Variants in ANAPC10 observed in about 807,000 individuals in gnomAD.
ANAPC10 encodes the protein anaphase promoting complex subunit 10, also known as anaphase-promoting complex subunit 10.
ANAPC10 carries 12 observed loss-of-function variants against 22.0 expected under a neutral mutation model. The ratio of observed to expected loss-of-function variants is 0.55; its 90% confidence interval spans 0.35 to 0.88. ANAPC10 has a LOEUF of 0.88. ANAPC10 is among the 40% of genes least tolerant of loss of function. The pLI, the probability that ANAPC10 is intolerant of heterozygous loss-of-function variation, is 0.01. For synonymous variants in ANAPC10, 65 were observed against 69.5 expected (o/e 0.94, Z 0.32); for missense variants, 188 against 220.9 (o/e 0.85, Z 0.94).
intron 4 of ANAPC10, among the ~76,000 whole-genome samples, chr4:145,057,576 G>GT (rs1455957315): frequency 2.6e-5 from 4 of 151,982 alleles, no homozygotes; most frequent in Non-Finnish European, 4.4e-5. Flanking sequence ...TCCAAAATCT[G>GT]TATCTCTAAC....
chr4:145,019,632 A>G (rs1455647576), intron 4 of ANAPC10, among the ~76,000 whole-genome samples: 2 of 152,170 alleles, frequency 1.3e-5, no homozygotes, highest in African/African-American at 4.8e-5. Flanking sequence ...CAAAATTACA[A>G]AAGATAAATG....
intron 4 of ANAPC10, among the ~76,000 whole-genome samples, chr4:145,017,827 A>G (rs1470326463): frequency 1.3e-5 from 2 of 152,114 alleles, no homozygotes; most frequent in Non-Finnish European, 2.9e-5. Context: ...AGGGACATGG[A>G]TGAAGATGGA....
intron 4 of ANAPC10, among the ~76,000 whole-genome samples, chr4:145,047,386 G>C (rs987658160): frequency 6.6e-6 from 1 of 152,092 alleles, no homozygotes; most frequent in Non-Finnish European, 1.5e-5. Context: ...GCGTTCAATG[G>C]CGAGTACAAT....
intron 4 of ANAPC10, among the ~76,000 whole-genome samples, chr4:145,000,896 G>A (rs1017067626): frequency 1.6e-4 from 25 of 152,194 alleles, no homozygotes; most frequent in African/African-American, 6.0e-4. Flanking sequence ...CCTTTGCAGG[G>A]ACATGCATGA....
chr4:145,039,708 CCT>C, intron 4 of ANAPC10, among the ~76,000 whole-genome samples: 1 of 152,062 alleles, frequency 6.6e-6, no homozygotes. Flanking sequence ...AATTCTCCTG[CCT>C]TAGCCTCCTG....
intron 4 of ANAPC10, among the ~76,000 whole-genome samples, chr4:145,030,005 G>A (rs550977273): frequency 9.2e-5 from 14 of 152,286 alleles, no homozygotes; most frequent in South Asian, 4.1e-4. Context: ...GGTGGCAGGC[G>A]CTAAGTGGCA....
chr4:144,999,856 T>A (rs111925528), intron 4 of ANAPC10, among the ~76,000 whole-genome samples: 2,759 of 152,192 alleles, frequency 0.018, 93 homozygotes, highest in African/African-American at 0.063. Flanking sequence ...AAAACAGAGA[T>A]ATAGACCAAT....
chr4:145,055,907 T>C (rs1579057970), intron 4 of ANAPC10, among the ~76,000 whole-genome samples: 1 of 152,184 alleles, frequency 6.6e-6, no homozygotes, highest in East Asian at 1.9e-4. Context: ...GTGGTAAATT[T>C]TGTGGTATAT....
chr4:145,056,604 G>A (rs1742108390), intron 4 of ANAPC10, among the ~76,000 whole-genome samples: 1 of 152,168 alleles, frequency 6.6e-6, no homozygotes, highest in Non-Finnish European at 1.5e-5. Flanking sequence ...GGCGACCACT[G>A]AAGGGACTAT....
At chr4:145,064,217 T>C (rs532597893) in intron 4 of ANAPC10, 1 of 157,676 alleles carries the variant, frequency 6.3e-6, no homozygotes, top group Admixed American at 6.5e-5. Flanking sequence ...AATGGACAAA[T>C]ATGCACAAGT....
At chr4:145,075,626 G>A (rs1411348162) in intron 3 of ANAPC10, among the ~76,000 whole-genome samples, 4 of 152,162 alleles carry the variant, frequency 2.6e-5, no homozygotes, top group African/African-American at 9.7e-5. Flanking sequence ...CTGAGCACCA[G>A]GACTCATTTC....
chr4:145,011,238 G>A (rs537827066), intron 4 of ANAPC10, among the ~76,000 whole-genome samples: 39 of 152,010 alleles, frequency 2.6e-4, no homozygotes, highest in Middle Eastern at 6.8e-3. Context: ...TCAGGAGGCT[G>A]AGGCAGGAGA....
intron 4 of ANAPC10, among the ~76,000 whole-genome samples, chr4:145,029,792 G>C (rs1737277215): frequency 6.6e-6 from 1 of 152,116 alleles, no homozygotes; most frequent in South Asian, 2.1e-4. Flanking sequence ...TAGTGGATTA[G>C]TCACTTTAGA....
chr4:145,037,068 T>C (rs1738690556), intron 4 of ANAPC10, among the ~76,000 whole-genome samples: 1 of 148,264 alleles, frequency 6.7e-6, no homozygotes, highest in African/African-American at 2.5e-5. Context: ...ATGTGTGTTT[T>C]ATGGACTCTG....
At chr4:145,056,287 C>CGA (rs1742060818) in intron 4 of ANAPC10, among the ~76,000 whole-genome samples, 1 of 152,204 alleles carries the variant, frequency 6.6e-6, no homozygotes, top group Admixed American at 6.5e-5. Flanking sequence ...CTCACTGCTA[C>CGA]ACTCCCACCA....
At chr4:145,008,213 A>G (rs13114023) in intron 4 of ANAPC10, among the ~76,000 whole-genome samples, 220 of 152,276 alleles carry the variant, frequency 1.4e-3, no homozygotes, top group African/African-American at 5.0e-3. Flanking sequence ...CAACCAAAAC[A>G]AGTCCAGGAC....
In ANAPC10 at chr4:145,064,749, G is replaced by C; in HGVS notation, c.207-57C>G. The C allele has an allele frequency of 4.5e-6, 6 of 1,337,798 alleles. 1 individual carries two copies. The South Asian group carries it at 8.0e-5, about 18-fold the overall frequency. 82.9% of individuals were successfully genotyped at this position (1,337,798 alleles called of 1,614,324 possible). ...TTCATCATATGAAAAGATTTCCAATGCATCTTATCTTCTGATTTTAAAAAT... is the reference window on the plus strand; with the variant it reads ...TTCATCATATGAAAAGATTTCCAATCCATCTTATCTTCTGATTTTAAAAAT... On this transcript the variant is annotated intron_variant, in intron 3 of 4. Transcript: ENST00000507656.
intron 4 of ANAPC10, among the ~76,000 whole-genome samples, chr4:145,055,361 T>C (rs1214482355): frequency 6.6e-6 from 1 of 152,052 alleles, no homozygotes; most frequent in African/African-American, 2.4e-5. Flanking sequence ...AGTTCGAGAC[T>C]AGCCTGCCCA....
intron 4 of ANAPC10, chr4:145,053,875 T>C: frequency 3.9e-6 from 2 of 513,304 alleles, no homozygotes; most frequent in South Asian, 6.3e-5. Flanking sequence ...TTCAGCAAGA[T>C]TTACTGCAGC....
Sources: gnomAD v4.1 joint callset for allele counts (sites outside exome capture counted in the v4.1 genomes callset) on GRCh38, gnomAD v4.1.1 for gene constraint, MANE v1.5 for transcripts, NCBI Gene and HGNC (gene_info 2026-07-23, HGNC 2026-07-21) for gene names.